Variants in NBAS observed in about 807,000 individuals in gnomAD.
NBAS encodes NAG/BC035112 fusion.
Under a neutral mutation model 302.5 loss-of-function variants are expected in NBAS, and 219 were observed. That is an observed-to-expected ratio of 0.72 (90% CI 0.65 to 0.81). The LOEUF (loss-of-function observed/expected upper bound fraction) is 0.81. Among genes scored for constraint, NBAS ranks in the 30% least tolerant of loss-of-function variants. The pLI is 0.00. For synonymous variants in NBAS, 1,118 were observed against 1,021.6 expected, an observed-to-expected ratio of 1.09 and a Z score of -1.80; for missense variants, 2,932 against 2,841.6, an observed-to-expected ratio of 1.03 and a Z score of -0.72.
At position 15,256,333 on chromosome 2, in the gene NBAS, G is replaced by C. The variant is rs193217300; in HGVS notation, c.5725-17647C>G. 7.9e-5 allele frequency among the ~76,000 whole-genome samples: 12 copies of C among 151,992 alleles called. No homozygotes were observed. The South Asian group carries it at 1.5e-3, about 19-fold the overall frequency. ...ATTATTTGCAGCTGTTGTAAAAAAG[G>C]TTGAGTTCTCGACTTGATTCTCGGC... On this transcript the variant is annotated intron_variant, in intron 44 of 51. Transcript: ENST00000281513.
intron 48 of NBAS, among the ~76,000 whole-genome samples, chr2:15,192,412 A>G (rs1000232841): frequency 3.2e-4 from 48 of 152,124 alleles, no homozygotes; most frequent in African/African-American, 1.1e-3. Flanking sequence ...AAATTATATT[A>G]AATACAAATG....
the NBAS span, among the ~76,000 whole-genome samples, chr2:14,918,495 A>G: frequency 6.6e-6 from 1 of 152,166 alleles, no homozygotes; most frequent in Non-Finnish European, 1.5e-5. Flanking sequence ...AAAGAGAAGT[A>G]CTGCAGGCAG....
chr2:14,910,712 T>C, the NBAS span, among the ~76,000 whole-genome samples: 5 of 152,382 alleles, frequency 3.3e-5, no homozygotes, highest in African/African-American at 1.2e-4. Flanking sequence ...ACTTGATTTA[T>C]AGTGGCTGGG....
chr2:15,034,218 G>GGAAAGAA, the NBAS span, among the ~76,000 whole-genome samples: 1 of 25,560 alleles, frequency 3.9e-5, no homozygotes, highest in South Asian at 1.1e-3. Flanking sequence ...AGGAAAGAAA[G>GGAAAGAA]AGAGGGAAAG....
chr2:15,362,315 CAAA>C (rs951972841), intron 32 of NBAS, among the ~76,000 whole-genome samples: 2 of 110,252 alleles, frequency 1.8e-5, no homozygotes. Context: ...TCATCTCTAC[CAAA>C]AAAAAAAAAA....
chr2:15,520,719 T>A (rs1461285092), intron 9 of NBAS, among the ~76,000 whole-genome samples: 1 of 152,236 alleles, frequency 6.6e-6, no homozygotes, highest in Non-Finnish European at 1.5e-5. Flanking sequence ...TCATGTATGA[T>A]AAAATATTCT....
At chr2:15,361,570 T>C (rs1673927798) in intron 32 of NBAS, among the ~76,000 whole-genome samples, 1 of 152,130 alleles carries the variant, frequency 6.6e-6, no homozygotes. Flanking sequence ...TTTTCAATTA[T>C]GAGACAAATA....
At chr2:15,258,019 A>G (rs1020236252) in intron 44 of NBAS, among the ~76,000 whole-genome samples, 4 of 152,214 alleles carry the variant, frequency 2.6e-5, no homozygotes, top group Non-Finnish European at 5.9e-5. Context: ...TTTTATTTTT[A>G]TATTTAATAG....
At position 15,289,767 on chromosome 2, in the gene NBAS, G is replaced by A. The variant is rs181466199; in HGVS notation, c.5028-2584C>T. 1.3e-4 allele frequency among the ~76,000 whole-genome samples: 20 copies of A among 152,290 alleles called. No homozygotes were observed. The South Asian group carries it at 1.4e-3, about 11-fold the overall frequency. ...AATCCTAGCACTTTGAGAGGCCAAGGCAGGCGGATCACGAGGTCAGGAGAT... is the reference window on the plus strand; with the variant it reads ...AATCCTAGCACTTTGAGAGGCCAAGACAGGCGGATCACGAGGTCAGGAGAT... On this transcript the variant is annotated intron_variant, in intron 41 of 51. Transcript: ENST00000281513.
the NBAS span, among the ~76,000 whole-genome samples, chr2:14,996,164 A>C: frequency 6.6e-6 from 1 of 152,188 alleles, no homozygotes. Context: ...AGAAGACAGA[A>C]GAGACCCCAT....
chr2:15,521,708 A>C (rs1475767647), intron 9 of NBAS, among the ~76,000 whole-genome samples: 3 of 152,188 alleles, frequency 2.0e-5, no homozygotes, highest in Non-Finnish European at 2.9e-5. Context: ...TGGCTTTAAA[A>C]ACAACAATGA....
chr2:15,290,542 T>C (rs922670510), intron 41 of NBAS, among the ~76,000 whole-genome samples: 3 of 152,234 alleles, frequency 2.0e-5, no homozygotes, highest in African/African-American at 7.2e-5. Context: ...TTCTGCATGA[T>C]AATCACCTTC....
At chr2:15,324,102 G>T (rs1671954349) in intron 38 of NBAS, among the ~76,000 whole-genome samples, 1 of 152,152 alleles carries the variant, frequency 6.6e-6, no homozygotes, top group Non-Finnish European at 1.5e-5. Flanking sequence ...GGACCAGTGT[G>T]AGTGAAGGCG....
chr2:14,870,110 A>G, the NBAS span, among the ~76,000 whole-genome samples: 2 of 152,360 alleles, frequency 1.3e-5, no homozygotes, highest in African/African-American at 2.4e-5. Context: ...GAAGGGAAGT[A>G]TATCAATGAT....
At chr2:15,494,421 T>C (rs981639520) in intron 11 of NBAS, among the ~76,000 whole-genome samples, 3 of 152,244 alleles carry the variant, frequency 2.0e-5, no homozygotes, top group Non-Finnish European at 4.4e-5. Context: ...ATTTATCATA[T>C]AACTCAACTT....
the NBAS span, among the ~76,000 whole-genome samples, chr2:14,979,142 G>A: frequency 2.6e-5 from 4 of 152,164 alleles, no homozygotes; most frequent in Admixed American, 6.5e-5. Context: ...TCCTCAGGGC[G>A]TGTTTGGATA....
the NBAS span, among the ~76,000 whole-genome samples, chr2:14,817,159 T>C: frequency 4.6e-5 from 7 of 152,230 alleles, no homozygotes; most frequent in Non-Finnish European, 7.3e-5. Flanking sequence ...TGTTGCTGTC[T>C]CATAATGTTA....
the NBAS span, among the ~76,000 whole-genome samples, chr2:14,809,384 C>T: frequency 6.6e-6 from 1 of 152,260 alleles, no homozygotes; most frequent in East Asian, 1.9e-4. Flanking sequence ...GACTTGGTGC[C>T]CTGTGTTCTA....
the NBAS span, among the ~76,000 whole-genome samples, chr2:15,043,433 C>T: frequency 0.82 from 125,044 of 152,082 alleles, 51,754 homozygotes; most frequent in East Asian, 0.99. Flanking sequence ...GAGCATGTCA[C>T]ATTTCTGCTA....
Sources: gnomAD v4.1 joint callset for allele counts (sites outside exome capture counted in the v4.1 genomes callset) on GRCh38, gnomAD v4.1.1 for gene constraint, MANE v1.5 for transcripts, NCBI Gene and HGNC (gene_info 2026-07-23, HGNC 2026-07-21) for gene names.